The following SUMF1 variants were observed in gnomAD, a reference collection of about 807,000 sequenced individuals.
SUMF1 encodes the protein formylglycine-generating enzyme.
In SUMF1, 48 loss-of-function variants were observed where a neutral mutation model predicts 47.6. The ratio of observed to expected loss-of-function variants is 1.01; its 90% CI spans 0.80 to 1.28. The LOEUF is 1.28. Ranked by LOEUF, SUMF1 falls within the 50% of genes most tolerant of loss-of-function variation. The probability of loss-of-function intolerance (pLI) is 0.00; values close to 1 mark genes in which losing one functional copy is unlikely to be tolerated. For synonymous variants in SUMF1, 230 were observed against 192.1 expected, an observed-to-expected ratio of 1.20 and a Z score of -1.63; for missense variants, 571 against 485.4, an observed-to-expected ratio of 1.18 and a Z score of -1.66.
At chr3:4,038,958 T>C (rs2125015875) in intron 9 of SUMF1, among the ~76,000 whole-genome samples, 1 of 152,288 alleles carries the variant, frequency 6.6e-6, no homozygotes, top group African/African-American at 2.4e-5. Flanking sequence ...AACTCACAAT[T>C]AAGACAGCAA....
In SUMF1 at chr3:4,159,069, G is replaced by A. The variant is rs191639601; in HGVS notation, c.1015-90324C>T. Among the ~76,000 whole-genome samples the A allele has an allele frequency of 2.6e-5, 4 of 151,278 alleles. No homozygotes were observed. The East Asian group carries it at 5.8e-4, about 22-fold the overall frequency. Reference sequence around the variant, plus strand: ...GTTCATCTTTTCATCTTTCTACTTCGATATGAATAGTTCATACACCACAAT... The same window carrying A: ...GTTCATCTTTTCATCTTTCTACTTCAATATGAATAGTTCATACACCACAAT... On this transcript the variant is annotated intron_variant and NMD_transcript_variant, in intron 8 of 12. Transcript: ENST00000448413.
chr3:4,214,675 A>G (rs1695877756), intron 8 of SUMF1, among the ~76,000 whole-genome samples: 1 of 151,808 alleles, frequency 6.6e-6, no homozygotes, highest in Non-Finnish European at 1.5e-5. Context: ...TAATAGAGAG[A>G]AGAACCAAAT....
chr3:4,403,705 G>A (rs138848355), intron 7 of SUMF1, among the ~76,000 whole-genome samples: 1 of 152,334 alleles, frequency 6.6e-6, no homozygotes, highest in African/African-American at 2.4e-5. Flanking sequence ...AAACTTCAGT[G>A]AGAACATCTG....
At chr3:4,219,408 C>G (rs1470747506) in intron 8 of SUMF1, among the ~76,000 whole-genome samples, 2 of 152,120 alleles carry the variant, frequency 1.3e-5, no homozygotes, top group Non-Finnish European at 1.5e-5. Flanking sequence ...GGAACCCACA[C>G]TCATATCTTC....
At chr3:4,343,139 G>C (rs940090194) in intron 8 of SUMF1, among the ~76,000 whole-genome samples, 1 of 152,206 alleles carries the variant, frequency 6.6e-6, no homozygotes, top group African/African-American at 2.4e-5. Context: ...CCAGCTCTGA[G>C]GACTATAACA....
At chr3:4,165,679 C>T (rs987618789) in intron 8 of SUMF1, among the ~76,000 whole-genome samples, 1 of 152,010 alleles carries the variant, frequency 6.6e-6, no homozygotes, top group South Asian at 2.1e-4. Flanking sequence ...GGCCATTTTT[C>T]CCCATCAGAG....
At chr3:4,458,716 G>A (rs571049583) in intron 1 of SUMF1, among the ~76,000 whole-genome samples, 4 of 152,120 alleles carry the variant, frequency 2.6e-5, no homozygotes, top group East Asian at 1.9e-4. Context: ...TTAGCCAGGC[G>A]TTGGTGGCGG....
intron 8 of SUMF1, among the ~76,000 whole-genome samples, chr3:4,132,193 C>T (rs951750291): frequency 6.6e-6 from 1 of 152,140 alleles, no homozygotes; most frequent in African/African-American, 2.4e-5. Flanking sequence ...GTCAAAACTA[C>T]CATCCATGGA....
rs149186165 is a variant in SUMF1, at chr3:4,445,597, G to A, written c.519+3669C>T. Among the ~76,000 whole-genome samples, 654 of 152,088 alleles carry A rather than the reference G, an allele frequency of 4.3e-3. 4 individuals carry two copies. Among genetic ancestry groups the A allele is most frequent in the African/African-American group, 0.014 (595 of 41,498 alleles). Reference sequence around the variant, plus strand: ...TGGCCTCAGGTGAACATCCTGCTTCGGCTTCCCAAAGTGCTGGGATTGTGG... The same window carrying A: ...TGGCCTCAGGTGAACATCCTGCTTCAGCTTCCCAAAGTGCTGGGATTGTGG... On this transcript the variant is annotated intron_variant, in intron 3 of 8. Coordinates refer to ENST00000272902, the MANE Select transcript of SUMF1 (RefSeq NM_182760.4).
intron 8 of SUMF1, among the ~76,000 whole-genome samples, chr3:4,098,211 C>CTAG (rs1692949618): frequency 6.6e-6 from 1 of 152,090 alleles, no homozygotes; most frequent in Non-Finnish European, 1.5e-5. Flanking sequence ...TGAAGCTCCC[C>CTAG]TAGCAGCACC....
At chr3:4,179,087 A>C (rs1695035149) in intron 8 of SUMF1, among the ~76,000 whole-genome samples, 1 of 152,216 alleles carries the variant, frequency 6.6e-6, no homozygotes, top group African/African-American at 2.4e-5. Context: ...GGATAGGAAG[A>C]ATCAATATCA....
chr3:4,252,367 C>G (rs935081631), intron 8 of SUMF1, among the ~76,000 whole-genome samples: 1 of 140,946 alleles, frequency 7.1e-6, no homozygotes, highest in African/African-American at 2.5e-5. Flanking sequence ...CACACACACA[C>G]ACACACACAC....
intron 8 of SUMF1, chr3:4,314,111 C>G (rs1047108940): frequency 5.8e-6 from 2 of 344,182 alleles, no homozygotes; most frequent in African/African-American, 4.2e-5. Flanking sequence ...AGCAGTCATC[C>G]TAGACCCCAG....
rs1553592599 is a variant in SUMF1 at position 4,464,431 on chromosome 3, T to TGTGTGA, written c.270+2544_270+2545insTCACAC. Among the ~76,000 whole-genome samples the TGTGTGA allele has an allele frequency of 7.9e-3, 1,189 of 151,114 alleles. 15 individuals are homozygous for TGTGTGA. Among genetic ancestry groups the TGTGTGA allele is most frequent in the African/African-American group, 0.028 (1,135 of 41,074 alleles). On this transcript the variant is annotated intron_variant, in intron 1 of 8. Transcript: ENST00000272902. ...GTGTGTTTGTGTGTGTGTGTGTGTGTGAGAGAGAGAGAAACACCTACCAGA... is the reference window on the plus strand; with the variant it reads ...GTGTGTTTGTGTGTGTGTGTGTGTGTGTGTGAGAGAGAGAGAGAAACACCTACCAGA...
intron 9 of SUMF1, among the ~76,000 whole-genome samples, chr3:4,041,456 C>T (rs960674043): frequency 6.6e-6 from 1 of 152,184 alleles, no homozygotes; most frequent in Non-Finnish European, 1.5e-5. Flanking sequence ...CTTTTGTAGA[C>T]AATACCCTTC....
intron 8 of SUMF1, among the ~76,000 whole-genome samples, chr3:4,272,611 A>G (rs1697326954): frequency 6.6e-6 from 1 of 152,214 alleles, no homozygotes; most frequent in Admixed American, 6.5e-5. Flanking sequence ...GTGGCATCAC[A>G]GTGTCTGCTA....
At chr3:4,224,025 A>C (rs776995758) in intron 8 of SUMF1, among the ~76,000 whole-genome samples, 1 of 152,082 alleles carries the variant, frequency 6.6e-6, no homozygotes, top group Non-Finnish European at 1.5e-5. Flanking sequence ...ACAGGAGGGA[A>C]AAAGAATCAA....
At position 4,306,193 on chromosome 3, in the gene SUMF1, G is replaced by A. The variant is rs150039935; in HGVS notation, c.1014+70137C>T. On this transcript the variant is annotated intron_variant and NMD_transcript_variant, in intron 8 of 12. Coordinates refer to the SUMF1 transcript ENST00000448413. ...TCTATAAATCTGTTTCCAATCTTGAGTCATATTTTTCTTTGCCATATCCAA... is the reference window on the plus strand; with the variant it reads ...TCTATAAATCTGTTTCCAATCTTGAATCATATTTTTCTTTGCCATATCCAA... Among the ~76,000 whole-genome samples, 51 of 152,200 alleles carry A rather than the reference G, an allele frequency of 3.4e-4. No homozygotes were observed. In the East Asian group the frequency reaches 9.4e-3, roughly 28 times the overall value.
chr3:4,318,627 G>C (rs2125113319), intron 8 of SUMF1, among the ~76,000 whole-genome samples: 1 of 152,300 alleles, frequency 6.6e-6, no homozygotes, highest in East Asian at 1.9e-4. Context: ...AAAACTCAGG[G>C]CCGGGTTCAG....
Sources: allele counts gnomAD v4.1 joint callset (sites outside exome capture counted in the v4.1 genomes callset), GRCh38; gene constraint gnomAD v4.1.1; transcripts MANE v1.5; gene names NCBI Gene and HGNC (gene_info 2026-07-23, HGNC 2026-07-21).